Variants in COL11A1 observed in about 807,000 individuals in gnomAD.
The protein encoded by COL11A1 is collagen type XI alpha 1 chain.
Under a neutral mutation model 265.2 loss-of-function variants are expected in COL11A1, and 74 were observed. The ratio of observed to expected loss-of-function variants is 0.28; its 90% CI spans 0.23 to 0.34. The LOEUF (loss-of-function observed/expected upper bound fraction) is 0.34. COL11A1 is among the 10% of genes least tolerant of loss of function. The pLI is 1.00. For synonymous variants in COL11A1, 816 were observed against 727.6 expected (o/e 1.12, Z -1.96); for missense variants, 2,165 against 2,263.6 (o/e 0.96, Z 0.88).
At chr1:103,010,936 G>A (rs1666074821) in intron 14 of COL11A1, among the ~76,000 whole-genome samples, 1 of 152,090 alleles carries the variant, frequency 6.6e-6, no homozygotes, top group Non-Finnish European at 1.5e-5. Context: ...CCAACCTTAG[G>A]TGATCCGCCC....
chr1:103,029,274 T>G (rs574955774), intron 5 of COL11A1, among the ~76,000 whole-genome samples: 65 of 152,140 alleles, frequency 4.3e-4, no homozygotes, highest in African/African-American at 1.5e-3. Context: ...AAGTAAGTAA[T>G]ATAAAGTACA....
intron 14 of COL11A1, among the ~76,000 whole-genome samples, chr1:103,011,611 T>G (rs3861742): frequency 0.046 from 6,973 of 152,082 alleles, 200 homozygotes; most frequent in Non-Finnish European, 0.068. Context: ...GATTTAAATT[T>G]GAATACAATA....
chr1:103,100,621 G>C (rs960650937), intron 1 of COL11A1: 1 of 151,852 alleles, frequency 6.6e-6, no homozygotes, highest in Non-Finnish European at 1.5e-5. Context: ...CAATGACCTG[G>C]TATTTTCTGT....
intron 30 of COL11A1, among the ~76,000 whole-genome samples, chr1:102,987,151 G>A (rs1032897690): frequency 6.6e-6 from 1 of 151,914 alleles, no homozygotes; most frequent in Non-Finnish European, 1.5e-5. Context: ...AGAAAATAAG[G>A]AGAAGTGACA....
intron 54 of COL11A1, among the ~76,000 whole-genome samples, chr1:102,901,561 C>G (rs1233495269): frequency 6.6e-6 from 1 of 152,118 alleles, no homozygotes; most frequent in Non-Finnish European, 1.5e-5. Context: ...GTCCCAATAA[C>G]TTATTCCTCA....
chr1:102,947,840 T>C (rs570320387), intron 41 of COL11A1, among the ~76,000 whole-genome samples: 1 of 152,042 alleles, frequency 6.6e-6, no homozygotes, highest in South Asian at 2.1e-4. Context: ...CCAATTTTAG[T>C]TACTAAAAGA....
intron 41 of COL11A1, among the ~76,000 whole-genome samples, chr1:102,954,852 A>T (rs1046521930): frequency 1.8e-4 from 3 of 16,866 alleles, no homozygotes; most frequent in Non-Finnish European, 5.7e-4. Context: ...CTTGAAATAA[A>T]AAAAAAAAAA....
intron 46 of COL11A1, among the ~76,000 whole-genome samples, chr1:102,931,582 A>G (rs1270610333): frequency 6.6e-6 from 1 of 152,072 alleles, no homozygotes; most frequent in Non-Finnish European, 1.5e-5. Flanking sequence ...GATTTGGGGT[A>G]GAGAGTTCTG....
At chr1:102,943,423 A>C (rs930105694) in intron 42 of COL11A1, among the ~76,000 whole-genome samples, 1 of 149,402 alleles carries the variant, frequency 6.7e-6, no homozygotes. Context: ...GTTTGATGGC[A>C]TGCCTCTGGA....
intron 30 of COL11A1, among the ~76,000 whole-genome samples, chr1:102,985,490 A>T (rs1300767611): frequency 6.6e-6 from 1 of 152,128 alleles, no homozygotes; most frequent in Non-Finnish European, 1.5e-5. Context: ...CTTGTTTTAC[A>T]CCATCAATTT....
chr1:102,890,790 G>A (rs1356406133), intron 57 of COL11A1, among the ~76,000 whole-genome samples: 1 of 151,974 alleles, frequency 6.6e-6, no homozygotes, highest in Non-Finnish European at 1.5e-5. Context: ...CAATTTTTAA[G>A]TACACTAGTT....
At chr1:103,013,751 G>A (rs1424815699) in intron 13 of COL11A1, among the ~76,000 whole-genome samples, 1 of 151,742 alleles carries the variant, frequency 6.6e-6, no homozygotes, top group Non-Finnish European at 1.5e-5. Flanking sequence ...GTTAGAAAGT[G>A]GGTAACCATA....
At chr1:102,967,857 A>C (rs1335983626) in intron 37 of COL11A1, among the ~76,000 whole-genome samples, 2 of 152,238 alleles carry the variant, frequency 1.3e-5, no homozygotes, top group Non-Finnish European at 2.9e-5. Context: ...TATTGCAATA[A>C]TAATTAAATG....
intron 21 of COL11A1, 110 bp downstream of exon 21, chr1:103,003,105 A>G (rs544636771): frequency 9.3e-7 from 1 of 1,080,140 alleles, no homozygotes; most frequent in East Asian, 2.5e-5. Context: ...AGATCTTCAA[A>G]CATAACAAGG....
chr1:103,014,086 T>C (rs1666357069), intron 13 of COL11A1, among the ~76,000 whole-genome samples: 1 of 152,114 alleles, frequency 6.6e-6, no homozygotes, highest in Admixed American at 6.6e-5. Context: ...GTGTTATCCA[T>C]GATATGTTAA....
chr1:102,941,727 G>C (rs993595522), intron 42 of COL11A1, among the ~76,000 whole-genome samples: 2 of 152,056 alleles, frequency 1.3e-5, no homozygotes, highest in Non-Finnish European at 2.9e-5. Flanking sequence ...AATTCTAGCA[G>C]GTCTCTCTAC....
chr1:103,104,432 TA>T (rs1674532747), intron 1 of COL11A1, among the ~76,000 whole-genome samples: 1 of 151,878 alleles, frequency 6.6e-6, no homozygotes, highest in African/African-American at 2.4e-5. Context: ...TTGAAGAAAA[TA>T]AAAAACCGAA....
At chr1:103,042,637 C>T (rs866561005) in intron 4 of COL11A1, among the ~76,000 whole-genome samples, 4 of 152,166 alleles carry the variant, frequency 2.6e-5, no homozygotes, top group South Asian at 2.1e-4. Context: ...CCTAGCTTGT[C>T]ACAGTAGTCT....
chr1:103,032,056 A>C lies in COL11A1; in HGVS notation c.652-812T>G, dbSNP rs1482278934. 2.6e-5 allele frequency among the ~76,000 whole-genome samples: 4 copies of C among 152,222 alleles called. No homozygotes were observed. The East Asian group carries it at 7.7e-4, about 29-fold the overall frequency. On this transcript the variant is annotated intron_variant, in intron 4 of 66. Coordinates refer to ENST00000370096, the MANE Select transcript of COL11A1 (RefSeq NM_001854.4). ...ATGTGGCTACTTCCATCTGGACTTT[A>C]TTTCATCATGAAACTAATTTAATAT...
Sources: gnomAD v4.1 joint callset for allele counts (sites outside exome capture counted in the v4.1 genomes callset) on GRCh38, gnomAD v4.1.1 for gene constraint, MANE v1.5 for transcripts, NCBI Gene and HGNC (gene_info 2026-07-23, HGNC 2026-07-21) for gene names.